The following SUGCT variants were observed in gnomAD, a reference collection of about 807,000 sequenced individuals.
SUGCT encodes the protein succinyl-CoA:glutarate CoA-transferase.
SUGCT carries 41 observed loss-of-function variants against 55.0 expected under a neutral mutation model. The observed-to-expected ratio is 0.74, with a 90% CI of 0.58 to 0.97. The LOEUF (loss-of-function observed/expected upper bound fraction) is 0.97, where lower values mean the gene tolerates loss of function less well. Ranked by LOEUF, SUGCT falls within the 50% of genes least tolerant of loss-of-function variation. The pLI, the probability that SUGCT is intolerant of heterozygous loss-of-function variation, is 0.00. For missense variants in SUGCT, 568 were observed against 547.8 expected (o/e 1.04, Z -0.37); for synonymous variants, 187 against 200.4 (o/e 0.93, Z 0.56).
chr7:40,525,610 C>T (rs757873703), intron 12 of SUGCT, among the ~76,000 whole-genome samples: 19 of 151,792 alleles, frequency 1.3e-4, no homozygotes, highest in Non-Finnish European at 2.2e-4. Flanking sequence ...AATAACTTTA[C>T]GATCCGGTGA....
At chr7:40,382,003 ACG>A (rs1491241894) in intron 9 of SUGCT, among the ~76,000 whole-genome samples, 1 of 150,664 alleles carries the variant, frequency 6.6e-6, no homozygotes, top group Non-Finnish European at 1.5e-5. Context: ...CCATCAAGGG[ACG>A]TGTGTGTGTC....
At chr7:40,518,873 G>A (rs1793386495) in intron 12 of SUGCT, among the ~76,000 whole-genome samples, 1 of 151,980 alleles carries the variant, frequency 6.6e-6, no homozygotes, top group African/African-American at 2.4e-5. Flanking sequence ...AGAATTATTT[G>A]AGTTACAACT....
At chr7:40,339,724 C>T (rs933149570) in intron 9 of SUGCT, among the ~76,000 whole-genome samples, 1 of 152,192 alleles carries the variant, frequency 6.6e-6, no homozygotes, top group Non-Finnish European at 1.5e-5. Context: ...CTTGCCTTGG[C>T]TCACGCTGGG....
chr7:41,010,519 T>C, the SUGCT span, among the ~76,000 whole-genome samples: 2 of 152,130 alleles, frequency 1.3e-5, no homozygotes, highest in Admixed American at 6.5e-5. Context: ...GAAGCGGAAA[T>C]TGAGAAACTG....
chr7:40,144,133 G>A (rs1233460225), intron 1 of SUGCT, among the ~76,000 whole-genome samples: 1 of 152,160 alleles, frequency 6.6e-6, no homozygotes, highest in African/African-American at 2.4e-5. Flanking sequence ...AAATCTCCCT[G>A]GATTAAGTGG....
chr7:41,009,598 A>ACCAT, the SUGCT span, among the ~76,000 whole-genome samples: 1 of 143,772 alleles, frequency 7.0e-6, no homozygotes, highest in African/African-American at 2.6e-5. Context: ...TCTTCCATCT[A>ACCAT]CCATCCATCC....
intron 12 of SUGCT, among the ~76,000 whole-genome samples, chr7:40,577,278 A>G (rs543651146): frequency 2.0e-5 from 3 of 152,208 alleles, no homozygotes; most frequent in African/African-American, 7.2e-5. Flanking sequence ...AAACTCATGC[A>G]TGTCTACTCT....
At chr7:40,912,075 T>G in the SUGCT span, among the ~76,000 whole-genome samples, 1 of 152,342 alleles carries the variant, frequency 6.6e-6, no homozygotes. Flanking sequence ...CCCTGAAATT[T>G]ATTGAGGAAT....
chr7:40,939,440 T>C, the SUGCT span, among the ~76,000 whole-genome samples: 1 of 152,150 alleles, frequency 6.6e-6, no homozygotes. Flanking sequence ...AAATGGTAAA[T>C]CCTACTTTTA....
At chr7:40,618,111 C>G (rs1195695665) in intron 12 of SUGCT, among the ~76,000 whole-genome samples, 1 of 152,164 alleles carries the variant, frequency 6.6e-6, no homozygotes, top group Non-Finnish European at 1.5e-5. Flanking sequence ...TCAAAGAACT[C>G]TTAAGTTGGT....
At chr7:40,473,499 G>C (rs940570503) in intron 11 of SUGCT, among the ~76,000 whole-genome samples, 14 of 152,094 alleles carry the variant, frequency 9.2e-5, no homozygotes, top group African/African-American at 2.4e-5. Flanking sequence ...CTAAGCCTAA[G>C]GTGTTTCTGA....
At position 40,860,368 on chromosome 7, in the gene SUGCT, G is replaced by C. The variant is rs2010706; in HGVS notation, c.1206G>C (p.Pro402=). The change falls in exon 14 of 14, where the codon CCG becomes CCC. Residue 402 remains proline (P), a synonymous_variant. Coordinates refer to ENST00000335693, the MANE Select transcript of SUGCT (RefSeq NM_001193313.2). ...KFKMSEARPP[P]LLGQHTTHIL... is the part of the protein sequence containing the mutation. Reference sequence around the variant, plus strand: ...AGATGTCAGAGGCCAGGCCGCCCCCGCTGCTCGGGCAGCACACAACGCACA... The same window carrying C: ...AGATGTCAGAGGCCAGGCCGCCCCCCCTGCTCGGGCAGCACACAACGCACA... The C allele has an allele frequency of 0.37, 592,176 of 1,613,678 alleles. 115,412 individuals are homozygous for C. The highest frequency in any genetic ancestry group is 0.82 in the East Asian group (36,748 of 44,848).
intron 12 of SUGCT, among the ~76,000 whole-genome samples, chr7:40,513,654 A>G (rs370260546): frequency 1.2e-4 from 19 of 152,274 alleles, no homozygotes; most frequent in African/African-American, 4.3e-4. Flanking sequence ...CAGGCACTCA[A>G]TGACATCATG....
chr7:40,649,101 G>A (rs897049763), intron 12 of SUGCT, among the ~76,000 whole-genome samples: 3 of 151,820 alleles, frequency 2.0e-5, no homozygotes, highest in African/African-American at 7.3e-5. Flanking sequence ...TGGTTACTTA[G>A]GTTTCCATTT....
rs982200210 is a variant in SUGCT, at chr7:40,538,330, A to G, written c.1089+41944A>G. The G allele has an allele frequency of 1.4e-4, 22 of 152,186 alleles. 1 individual carries two copies. The highest frequency in any genetic ancestry group is 5.3e-4 in the African/African-American group (22 of 41,436). 9.4% of individuals were successfully genotyped at this position (152,186 alleles called of 1,614,324 possible). A position where few individuals can be genotyped will look rare whatever the true frequency, so the allele number is the denominator to read the frequency against. ...CAGTTTGAAGGATGAAGACATCAAG[A>G]TTGTCACTGAATAGGAAATAAATGT... On this transcript the variant is annotated intron_variant, in intron 12 of 13. Coordinates refer to ENST00000335693, the MANE Select transcript of SUGCT (RefSeq NM_001193313.2).
At chr7:40,175,469 C>T (rs1430060094) in intron 1 of SUGCT, among the ~76,000 whole-genome samples, 8 of 152,210 alleles carry the variant, frequency 5.3e-5, no homozygotes, top group African/African-American at 1.9e-4. Flanking sequence ...ATCCGCCTGC[C>T]TCCTCCTCCC....
At chr7:40,391,082 T>G (rs1415426322) in intron 9 of SUGCT, among the ~76,000 whole-genome samples, 1 of 152,170 alleles carries the variant, frequency 6.6e-6, no homozygotes, top group Non-Finnish European at 1.5e-5. Context: ...GCTAGCCATA[T>G]GTAGAAAGCT....
the SUGCT span, among the ~76,000 whole-genome samples, chr7:41,031,961 T>C: frequency 2.0e-5 from 3 of 151,932 alleles, no homozygotes; most frequent in Non-Finnish European, 4.4e-5. Flanking sequence ...GCTCATGGAG[T>C]GGAGCCCTGT....
chr7:40,621,023 C>G (rs1019358707), intron 12 of SUGCT, among the ~76,000 whole-genome samples: 1 of 152,094 alleles, frequency 6.6e-6, no homozygotes, highest in African/African-American at 2.4e-5. Flanking sequence ...TTGCCTGTTT[C>G]CTTTTGTTTC....
Sources: allele counts gnomAD v4.1 joint callset (sites outside exome capture counted in the v4.1 genomes callset), GRCh38; gene constraint gnomAD v4.1.1; transcripts MANE v1.5; gene names NCBI Gene and HGNC (gene_info 2026-07-23, HGNC 2026-07-21).